LRRTM4: variants seen among roughly 807,000 people sequenced by gnomAD.
LRRTM4 encodes leucine rich repeat transmembrane neuronal 4.
Under a neutral mutation model 47.6 loss-of-function variants are expected in LRRTM4, and 25 were observed. The ratio of observed to expected loss-of-function variants is 0.53; its 90% CI spans 0.38 to 0.73. The LOEUF is 0.73. Ranked by LOEUF, LRRTM4 falls within the 30% of genes least tolerant of loss-of-function variation. The probability of loss-of-function intolerance (pLI) is 0.00; values close to 1 mark genes in which losing one functional copy is unlikely to be tolerated. For missense variants in LRRTM4, 638 were observed against 713.4 expected (o/e 0.89, Z 1.20); for synonymous variants, 311 against 269.5 (o/e 1.15, Z -1.51).
At chr2:76,982,941 T>G (rs1301554354) in intron 3 of LRRTM4, among the ~76,000 whole-genome samples, 1 of 151,400 alleles carries the variant, frequency 6.6e-6, no homozygotes, top group Non-Finnish European at 1.5e-5. Context: ...TTTTTTAAAC[T>G]TCTTTTTTGT....
chr2:77,086,714 C>A (rs764226550), intron 3 of LRRTM4, among the ~76,000 whole-genome samples: 1 of 151,866 alleles, frequency 6.6e-6, no homozygotes, highest in Non-Finnish European at 1.5e-5. Context: ...AGGCTGGTGG[C>A]GAAATCCTGA....
chr2:76,970,455 T>C (rs1025086376), intron 3 of LRRTM4, among the ~76,000 whole-genome samples: 1 of 152,002 alleles, frequency 6.6e-6, no homozygotes, highest in Admixed American at 6.6e-5. Flanking sequence ...TTGATTCGTG[T>C]CCTTACTCTG....
chr2:76,848,425 T>G (rs1442242446), intron 3 of LRRTM4, among the ~76,000 whole-genome samples: 1 of 152,092 alleles, frequency 6.6e-6, no homozygotes, highest in African/African-American at 2.4e-5. Context: ...TCCCTCAAAT[T>G]TTAAGTCATT....
rs558247106 is a variant in LRRTM4, at chr2:76,897,397, T to C, written c.1552-148481A>G. Among the ~76,000 whole-genome samples, 16 of 152,076 alleles carry C rather than the reference T, an allele frequency of 1.1e-4. No homozygotes were observed. The South Asian group carries it at 2.7e-3, about 26-fold the overall frequency. On this transcript the variant is annotated intron_variant, in intron 3 of 3. Coordinates refer to ENST00000409884, the MANE Select transcript of LRRTM4 (RefSeq NM_001134745.3). ...ACAGCTATTTTTATTACCAACTCTA[T>C]TGGGCATAAATAAAACAAAAATGAA...
chr2:76,934,768 G>A (rs1400894720), intron 3 of LRRTM4, among the ~76,000 whole-genome samples: 2 of 152,130 alleles, frequency 1.3e-5, no homozygotes, highest in African/African-American at 2.4e-5. Flanking sequence ...CTCACAAAAA[G>A]CAGATGCTCA....
intron 3 of LRRTM4, among the ~76,000 whole-genome samples, chr2:77,437,394 T>C (rs558778178): frequency 1.3e-5 from 2 of 152,128 alleles, no homozygotes; most frequent in South Asian, 4.1e-4. Context: ...ACAAGGTAAT[T>C]GCATTATCTC....
rs372436920 is a variant in LRRTM4, at chr2:76,797,259, C to T, written c.1552-48343G>A. Among the ~76,000 whole-genome samples the T allele has an allele frequency of 3.2e-3, 488 of 152,108 alleles. 21 individuals are homozygous for T. The highest frequency in any genetic ancestry group is 1.9e-3 in the East Asian group (10 of 5,182). On this transcript the variant is annotated intron_variant, in intron 3 of 3. Transcript: ENST00000409884. Reference sequence around the variant, plus strand: ...AAAGGGAAGCCCATCAGACAAACAGCGGATCTCTCAGCAGAAACCCTACAA... The same window carrying T: ...AAAGGGAAGCCCATCAGACAAACAGTGGATCTCTCAGCAGAAACCCTACAA...
At chr2:77,163,240 G>A (rs1672782512) in intron 3 of LRRTM4, among the ~76,000 whole-genome samples, 1 of 152,116 alleles carries the variant, frequency 6.6e-6, no homozygotes, top group East Asian at 1.9e-4. Flanking sequence ...GACTGAAGAT[G>A]GAATGAATGA....
chr2:77,356,144 G>A (rs556147780), intron 3 of LRRTM4, among the ~76,000 whole-genome samples: 1 of 152,042 alleles, frequency 6.6e-6, no homozygotes, highest in African/African-American at 2.4e-5. Flanking sequence ...GGATAAAGTG[G>A]TTTTTTTAAA....
chr2:77,479,761 T>C (rs1364471316), intron 3 of LRRTM4, among the ~76,000 whole-genome samples: 3 of 151,914 alleles, frequency 2.0e-5, no homozygotes, highest in African/African-American at 7.3e-5. Flanking sequence ...TTTCTCTCTC[T>C]CTTTCTCTTC....
At chr2:77,110,243 G>T (rs761949954) in intron 3 of LRRTM4, among the ~76,000 whole-genome samples, 2 of 152,092 alleles carry the variant, frequency 1.3e-5, no homozygotes, top group African/African-American at 4.8e-5. Flanking sequence ...CAGACAACTG[G>T]ACTATTTAAA....
intron 3 of LRRTM4, among the ~76,000 whole-genome samples, chr2:76,942,491 ATT>A (rs59455803): frequency 0.095 from 13,479 of 142,574 alleles, 890 homozygotes; most frequent in East Asian, 0.38. Context: ...CTGTGCTAAC[ATT>A]TTTTTTTTTT....
intron 3 of LRRTM4, among the ~76,000 whole-genome samples, chr2:76,759,009 G>A (rs149540199): frequency 2.8e-4 from 43 of 152,144 alleles, no homozygotes; most frequent in African/African-American, 9.4e-4. Context: ...TAATCTTCAT[G>A]TGTTAAAAAA....
chr2:77,505,473 C>A (rs1193010143), intron 3 of LRRTM4, among the ~76,000 whole-genome samples: 1 of 151,238 alleles, frequency 6.6e-6, no homozygotes, highest in Non-Finnish European at 1.5e-5. Context: ...TTGAATAAAT[C>A]AACGAAGTGG....
At chr2:77,010,366 G>A (rs981834465) in intron 3 of LRRTM4, among the ~76,000 whole-genome samples, 1 of 151,620 alleles carries the variant, frequency 6.6e-6, no homozygotes, top group Non-Finnish European at 1.5e-5. Flanking sequence ...CATTCCATAT[G>A]TAAATGAGAT....
intron 3 of LRRTM4, among the ~76,000 whole-genome samples, chr2:76,890,850 T>C (rs868605838): frequency 6.6e-6 from 1 of 151,712 alleles, no homozygotes; most frequent in South Asian, 2.1e-4. Flanking sequence ...CATGCCAGAA[T>C]AGAGGGTTAG....
intron 3 of LRRTM4, among the ~76,000 whole-genome samples, chr2:76,899,342 CACACACACACAT>C (rs1249511325): frequency 0.024 from 3,100 of 131,300 alleles, 109 homozygotes; most frequent in African/African-American, 0.079. Context: ...CACACACACA[CACACACACACAT>C]ATATATATAT....
intron 3 of LRRTM4, among the ~76,000 whole-genome samples, chr2:77,147,225 A>C (rs906229654): frequency 6.6e-6 from 1 of 152,194 alleles, no homozygotes; most frequent in East Asian, 1.9e-4. Flanking sequence ...TACAACACTC[A>C]AGTGCTCTTC....
intron 3 of LRRTM4, among the ~76,000 whole-genome samples, chr2:76,913,717 T>C (rs1674150085): frequency 6.6e-6 from 1 of 151,950 alleles, no homozygotes. Context: ...TTTTGTATTT[T>C]CATTAGCGAT....
Sources: gnomAD v4.1 joint callset for allele counts (sites outside exome capture counted in the v4.1 genomes callset) on GRCh38, gnomAD v4.1.1 for gene constraint, MANE v1.5 for transcripts, NCBI Gene and HGNC (gene_info 2026-07-23, HGNC 2026-07-21) for gene names.